KDM4C: variants seen among roughly 807,000 people sequenced by gnomAD.
The protein encoded by KDM4C is lysine-specific demethylase 4C.
Under a neutral mutation model 129.3 loss-of-function variants are expected in KDM4C, and 81 were observed. The observed-to-expected ratio is 0.63, with a 90% confidence interval of 0.52 to 0.75. The LOEUF (loss-of-function observed/expected upper bound fraction) is 0.75. Ranked by LOEUF, KDM4C falls within the 30% of genes least tolerant of loss-of-function variation. KDM4C has a pLI of 0.00. For missense variants in KDM4C, 1,457 were observed against 1,304.0 expected, an observed-to-expected ratio of 1.12 and a Z score of -1.81; for synonymous variants, 573 against 456.1, an observed-to-expected ratio of 1.26 and a Z score of -3.26.
At chr9:7,169,731 T>C (rs1844764920) in intron 20 of KDM4C, 67 bp from the exon 21 acceptor site, 4 of 1,249,730 alleles carry the variant, frequency 3.2e-6, no homozygotes, top group Non-Finnish European at 4.5e-6. Flanking sequence ...ATGTAGTTAA[T>C]TGGAGCCTTT....
chr9:7,040,583 A>G (rs1406122972), intron 15 of KDM4C, among the ~76,000 whole-genome samples: 1 of 151,892 alleles, frequency 6.6e-6, no homozygotes, highest in Non-Finnish European at 1.5e-5. Flanking sequence ...TCTCCTGGGG[A>G]CAAATTCTGT....
At chr9:7,074,970 G>C (rs76532508) in intron 17 of KDM4C, among the ~76,000 whole-genome samples, 1 of 152,142 alleles carries the variant, frequency 6.6e-6, no homozygotes, top group African/African-American at 2.4e-5. Flanking sequence ...CCAGCGAATG[G>C]ATGATTTTCA....
intron 4 of KDM4C, among the ~76,000 whole-genome samples, chr9:6,828,841 A>T (rs1243640473): frequency 6.6e-6 from 1 of 151,670 alleles, no homozygotes; most frequent in Non-Finnish European, 1.5e-5. Context: ...ATTGCACTCC[A>T]GCCTGGGCAA....
At chr9:6,884,826 A>G (rs1038392685) in intron 6 of KDM4C, among the ~76,000 whole-genome samples, 1 of 152,242 alleles carries the variant, frequency 6.6e-6, no homozygotes, top group African/African-American at 2.4e-5. Context: ...TTTGAATCAT[A>G]AAAGATTGGG....
chr9:7,066,933 C>G (rs556488670), intron 17 of KDM4C, among the ~76,000 whole-genome samples: 2 of 152,260 alleles, frequency 1.3e-5, no homozygotes, highest in South Asian at 4.1e-4. Context: ...AGAATATGAA[C>G]ATTACAGAGC....
chr9:6,849,606 T>C lies in KDM4C; in HGVS notation c.535T>C (p.Tyr179His). The C allele has an allele frequency of 6.2e-7, 1 of 1,614,138 alleles. No individual in the cohort carries two copies. ...TGAGGGTGTAAATACCCCATATCTC[T>C]ATTTTGGCATGTGGAAGACCACGTT... ...SIEGVNTPYL[Y>H]FGMWKTTFAW... Residue 179 changes from tyrosine (Y) to histidine (H), a missense_variant, in exon 5 of 22, where the codon TAT becomes CAT. Tyr to His is a moderately conservative substitution (Grantham distance 83). Coordinates refer to ENST00000381309, the MANE Select transcript of KDM4C (RefSeq NM_015061.6).
intron 1 of KDM4C, among the ~76,000 whole-genome samples, chr9:6,747,255 A>G (rs575945851): frequency 1.8e-4 from 28 of 151,794 alleles, no homozygotes; most frequent in African/African-American, 6.5e-4. Flanking sequence ...TTAAGACACA[A>G]GAATATAGAT....
In KDM4C at chr9:6,747,010, AAAAAAAAAAAAAAAAAAAAG is replaced by A. The variant is rs1281744639; in HGVS notation, c.49+26019_49+26038del. 1.9e-3 allele frequency among the ~76,000 whole-genome samples: 235 copies of A among 123,506 alleles called. 6 individuals carry two copies. The South Asian group carries it at 0.075, about 39-fold the overall frequency. 81.0% of individuals were successfully genotyped at this position (123,506 alleles called of 152,430 possible). On this transcript the variant is annotated intron_variant, in intron 1 of 17. Transcript: ENST00000536108. ...CAGAGCTAGACTCCGTCTCAAAAAA[AAAAAAAAAAAAAAAAAAAAG>A]AAAAAGAAAAAAATTAGTCAGGTGT...
intron 6 of KDM4C, among the ~76,000 whole-genome samples, chr9:6,882,690 T>G (rs1243128217): frequency 6.6e-6 from 1 of 152,172 alleles, no homozygotes; most frequent in Non-Finnish European, 1.5e-5. Flanking sequence ...TTTTGTTACC[T>G]TATTAAAAAA....
At chr9:7,063,366 G>C (rs1831982743) in intron 17 of KDM4C, among the ~76,000 whole-genome samples, 1 of 152,148 alleles carries the variant, frequency 6.6e-6, no homozygotes, top group Admixed American at 6.5e-5. Flanking sequence ...TTCCCCATAA[G>C]AACAAAGAGG....
At chr9:6,732,230 T>C (rs1817366342) in intron 1 of KDM4C, among the ~76,000 whole-genome samples, 3 of 149,786 alleles carry the variant, frequency 2.0e-5, no homozygotes, top group Non-Finnish European at 1.5e-5. Context: ...CCGGGCGTGG[T>C]GGTGGGCGCC....
At chr9:6,973,093 A>G (rs1832285704) in intron 8 of KDM4C, among the ~76,000 whole-genome samples, 1 of 152,198 alleles carries the variant, frequency 6.6e-6, no homozygotes, top group South Asian at 2.1e-4. Context: ...TTATAGTACT[A>G]CTGTTTTTAT....
chr9:6,996,454 A>AT (rs1209158508), intron 12 of KDM4C, among the ~76,000 whole-genome samples: 4 of 152,260 alleles, frequency 2.6e-5, no homozygotes, highest in Admixed American at 2.6e-4. Flanking sequence ...TTTCAATTAA[A>AT]AATGGAAAAA....
intron 1 of KDM4C, among the ~76,000 whole-genome samples, chr9:6,738,768 A>ATT (rs34872495): frequency 4.3e-5 from 6 of 139,814 alleles, no homozygotes; most frequent in Admixed American, 7.1e-5. Context: ...TTTTCTTTTC[A>ATT]TTTTTTTTTT....
At chr9:7,090,710 G>A (rs1835692545) in intron 17 of KDM4C, among the ~76,000 whole-genome samples, 1 of 152,210 alleles carries the variant, frequency 6.6e-6, no homozygotes, top group Non-Finnish European at 1.5e-5. Context: ...CTACATGTCT[G>A]TTAGATGTGT....
At chr9:6,970,610 G>A (rs1389270223) in intron 8 of KDM4C, among the ~76,000 whole-genome samples, 1 of 152,184 alleles carries the variant, frequency 6.6e-6, no homozygotes, top group African/African-American at 2.4e-5. Context: ...GGAAAGGCTT[G>A]TAATTTAGTC....
chr9:6,968,015 A>G (rs1368260955), intron 8 of KDM4C, among the ~76,000 whole-genome samples: 6 of 152,234 alleles, frequency 3.9e-5, no homozygotes, highest in Non-Finnish European at 7.3e-5. Context: ...AATGCTTTAC[A>G]TTTATCATTG....
At chr9:6,906,109 CAT>C (rs1818263346) in intron 8 of KDM4C, among the ~76,000 whole-genome samples, 1 of 152,044 alleles carries the variant, frequency 6.6e-6, no homozygotes, top group Admixed American at 6.6e-5. Flanking sequence ...AGTATACAGA[CAT>C]AGAATTTCAA....
intron 4 of KDM4C, chr9:6,835,710 C>G (rs1835761095): frequency 3.0e-6 from 2 of 656,176 alleles, no homozygotes; most frequent in Admixed American, 2.6e-5. Flanking sequence ...TGGCTTGACT[C>G]AGGATTTAAA....
Sources: gnomAD v4.1 joint callset for allele counts (sites outside exome capture counted in the v4.1 genomes callset) on GRCh38, gnomAD v4.1.1 for gene constraint, MANE v1.5 for transcripts, NCBI Gene and HGNC (gene_info 2026-07-23, HGNC 2026-07-21) for gene names.